Variants in ZMIZ1 observed in about 807,000 individuals in gnomAD.
The protein encoded by ZMIZ1 is zinc finger MIZ domain-containing protein 1.
ZMIZ1 carries 17 observed loss-of-function variants against 113.9 expected under a neutral mutation model. The observed-to-expected ratio is 0.15, with a 90% CI of 0.10 to 0.22. The LOEUF is 0.22. Ranked by LOEUF, ZMIZ1 falls within the 10% of genes least tolerant of loss-of-function variation. The pLI is 1.00. For synonymous variants in ZMIZ1, 607 were observed against 603.1 expected, an observed-to-expected ratio of 1.01 and a Z score of -0.09; for missense variants, 1,059 against 1,477.8, an observed-to-expected ratio of 0.72 and a Z score of 4.65.
chr10:79,100,905 C>T (rs547838368), intron 1 of ZMIZ1, among the ~76,000 whole-genome samples: 16 of 152,296 alleles, frequency 1.1e-4, no homozygotes, highest in South Asian at 2.1e-4. Context: ...GCCTGCTAAA[C>T]GTGCAGATGC....
At chr10:79,247,592 G>A (rs1318767612) in intron 7 of ZMIZ1, among the ~76,000 whole-genome samples, 1 of 152,224 alleles carries the variant, frequency 6.6e-6, no homozygotes, top group Non-Finnish European at 1.5e-5. Flanking sequence ...CTAAGCCGCA[G>A]AGACCCTGCT....
At chr10:79,072,748 C>T (rs1015137663) in intron 1 of ZMIZ1, among the ~76,000 whole-genome samples, 21 of 152,354 alleles carry the variant, frequency 1.4e-4, no homozygotes, top group African/African-American at 4.6e-4. Flanking sequence ...GGCCCAGCCC[C>T]TGTCACTGCT....
chr10:79,286,067 G>C (rs573352979), intron 8 of ZMIZ1, among the ~76,000 whole-genome samples: 5 of 152,320 alleles, frequency 3.3e-5, no homozygotes, highest in African/African-American at 9.6e-5. Context: ...AGCAGCTTAT[G>C]GTGTGATACT....
chr10:79,304,109 G>T lies in ZMIZ1; in HGVS notation c.2220G>T (p.Leu740=). 3 of 1,614,222 alleles carry T rather than the reference G, an allele frequency of 1.9e-6. No homozygotes were observed. The highest frequency in any genetic ancestry group is 2.5e-6 in the Non-Finnish European group (3 of 1,180,042). The change falls in exon 19 of 25, where the codon CTG becomes CTT. Residue 740 remains leucine (L), a synonymous_variant. Coordinates refer to ENST00000334512, the MANE Select transcript of ZMIZ1 (RefSeq NM_020338.4). ...AGCAGACGGCCATCAAGGTGTCTCT[G>T]AAGTGCCCCATCACATTCCGGCGCA... ...GVEQTAIKVS[L]KCPITFRRIQ... is the part of the protein sequence containing the mutation.
At chr10:79,289,977 C>A in intron 9 of ZMIZ1, 88 bp downstream of exon 9, 1 of 1,319,650 alleles carries the variant, frequency 7.6e-7, no homozygotes, top group African/African-American at 1.5e-5. Flanking sequence ...TCTTCACCCT[C>A]ACAGGCCTTG....
chr10:79,213,248 A>C (rs955571385), intron 6 of ZMIZ1, among the ~76,000 whole-genome samples: 3 of 152,112 alleles, frequency 2.0e-5, no homozygotes, highest in African/African-American at 7.2e-5. Context: ...CGCTCCCACC[A>C]CTGTCAGTCA....
At chr10:79,231,202 C>T (rs1436506234) in intron 7 of ZMIZ1, among the ~76,000 whole-genome samples, 1 of 152,258 alleles carries the variant, frequency 6.6e-6, no homozygotes, top group Non-Finnish European at 1.5e-5. Context: ...TGACACACAC[C>T]CAGAACTGCC....
At chr10:79,103,150 G>A (rs1843426801) in intron 1 of ZMIZ1, among the ~76,000 whole-genome samples, 1 of 152,150 alleles carries the variant, frequency 6.6e-6, no homozygotes, top group Admixed American at 6.5e-5. Flanking sequence ...GCCACTGTAG[G>A]TGGAGGAGGT....
intron 2 of ZMIZ1, among the ~76,000 whole-genome samples, chr10:79,137,832 G>A (rs990733074): frequency 1.3e-5 from 2 of 152,090 alleles, no homozygotes; most frequent in Non-Finnish European, 1.5e-5. Flanking sequence ...CGGCTGGGGG[G>A]GGGGTGCTCC....
intron 1 of ZMIZ1, among the ~76,000 whole-genome samples, chr10:79,091,814 G>A (rs536821201): frequency 7.9e-5 from 12 of 152,294 alleles, no homozygotes; most frequent in African/African-American, 2.4e-4. Flanking sequence ...AGGAAGCCAG[G>A]GTTAGGAGGG....
chr10:79,075,725 C>G (rs898227286), intron 1 of ZMIZ1, among the ~76,000 whole-genome samples: 2 of 152,258 alleles, frequency 1.3e-5, no homozygotes, highest in African/African-American at 4.8e-5. Context: ...TCCTCCCCCA[C>G]CACTCTTAGC....
At chr10:79,131,934 A>G (rs566192704) in intron 2 of ZMIZ1, among the ~76,000 whole-genome samples, 2 of 152,356 alleles carry the variant, frequency 1.3e-5, no homozygotes, top group South Asian at 2.1e-4. Context: ...GATGGCAGAT[A>G]GCAGCTCAGA....
chr10:79,206,292 GC>G (rs1430106303), intron 5 of ZMIZ1, among the ~76,000 whole-genome samples: 3 of 152,196 alleles, frequency 2.0e-5, no homozygotes, highest in Non-Finnish European at 4.4e-5. Flanking sequence ...GGCTACCCCT[GC>G]ACCCAGAGCC....
At position 79,178,152 on chromosome 10, in the gene ZMIZ1, G is replaced by A. The variant is rs568504580; in HGVS notation, c.-50+16019G>A. Among the ~76,000 whole-genome samples, 15 of 152,276 alleles carry A rather than the reference G, an allele frequency of 9.9e-5. 1 individual carries two copies. The highest frequency in any genetic ancestry group is 1.5e-4 in the Non-Finnish European group (10 of 68,020). The stretch of plus-strand genomic sequence containing the variant: ...AATTCATGGTGAGGGCAGCTTGGCC[G>A]GGACCCTCATGCTAGAAAGTCTTCC... On this transcript the variant is annotated intron_variant, in intron 4 of 24. Coordinates refer to ENST00000334512, the MANE Select transcript of ZMIZ1 (RefSeq NM_020338.4).
At chr10:79,232,079 T>TA (rs1849416523) in intron 7 of ZMIZ1, among the ~76,000 whole-genome samples, 1 of 152,198 alleles carries the variant, frequency 6.6e-6, no homozygotes, top group African/African-American at 2.4e-5. Context: ...TCTCCTGCTT[T>TA]AGAGCTGTGT....
chr10:79,071,408 CAGAT>C (rs1842282599), intron 1 of ZMIZ1, among the ~76,000 whole-genome samples: 1 of 152,174 alleles, frequency 6.6e-6, no homozygotes, highest in Non-Finnish European at 1.5e-5. Flanking sequence ...TTTGAAGGTA[CAGAT>C]AAAGAGGCAG....
chr10:79,311,909 C>G (rs919122708), intron 24 of ZMIZ1, among the ~76,000 whole-genome samples: 1 of 152,122 alleles, frequency 6.6e-6, no homozygotes, highest in Non-Finnish European at 1.5e-5. Context: ...TGTCCTCGGC[C>G]CCTCCTGTTC....
At chr10:79,107,226 A>G (rs1384775313) in intron 1 of ZMIZ1, among the ~76,000 whole-genome samples, 1 of 151,512 alleles carries the variant, frequency 6.6e-6, no homozygotes, top group African/African-American at 2.5e-5. Context: ...AACTTTCTGC[A>G]TCCTGCTATT....
At chr10:79,073,660 A>G (rs1842371490) in intron 1 of ZMIZ1, among the ~76,000 whole-genome samples, 1 of 151,480 alleles carries the variant, frequency 6.6e-6, no homozygotes, top group Non-Finnish European at 1.5e-5. Context: ...GACACATTCA[A>G]GTGGCTGCTT....
Sources: gnomAD v4.1 joint callset for allele counts (sites outside exome capture counted in the v4.1 genomes callset) on GRCh38, gnomAD v4.1.1 for gene constraint, MANE v1.5 for transcripts, NCBI Gene and HGNC (gene_info 2026-07-23, HGNC 2026-07-21) for gene names.